TNRC6A: variants seen among roughly 807,000 people sequenced by gnomAD.
The protein encoded by TNRC6A is trinucleotide repeat containing adaptor 6A.
TNRC6A carries 44 observed loss-of-function variants against 221.2 expected under a neutral mutation model. The observed-to-expected ratio is 0.20, with a 90% confidence interval of 0.16 to 0.26. The LOEUF is 0.26. Ranked by LOEUF, TNRC6A falls within the 10% of genes least tolerant of loss-of-function variation. The probability of loss-of-function intolerance (pLI) is 1.00; values close to 1 mark genes in which losing one functional copy is unlikely to be tolerated. For missense variants in TNRC6A, 2,199 were observed against 2,404.4 expected, an observed-to-expected ratio of 0.91 and a Z score of 1.79; for synonymous variants, 847 against 838.5, an observed-to-expected ratio of 1.01 and a Z score of -0.18.
chr16:24,636,370 TG>T (rs940991914), intron 1 of TNRC6A, among the ~76,000 whole-genome samples: 1 of 125,978 alleles, frequency 7.9e-6, no homozygotes, highest in Non-Finnish European at 1.6e-5. Flanking sequence ...TAGGACTTTG[TG>T]ATTTTTTTTT....
chr16:24,823,079 C>A lies in TNRC6A; in HGVS notation c.5513+66C>A. 1 of 1,605,040 alleles carries A rather than the reference C, an allele frequency of 6.2e-7. No individual in the cohort carries two copies. Among genetic ancestry groups the A allele is most frequent in the Non-Finnish European group, 8.5e-7 (1 of 1,174,188 alleles). On this transcript the variant is annotated intron_variant, in intron 24 of 24. Coordinates refer to ENST00000395799, the MANE Select transcript of TNRC6A (RefSeq NM_014494.4). This position sits in a 1 kb window ranked among gnomAD's most constrained non-coding sequence, Gnocchi z 4.3. Reference sequence around the variant, plus strand: ...GAAGGAGTGTGAGAGCACAGCCTGACCCGGGGCAGTGCACAGGGTCCTGCG... The same window carrying A: ...GAAGGAGTGTGAGAGCACAGCCTGAACCGGGGCAGTGCACAGGGTCCTGCG...
intron 2 of TNRC6A, 56 bp from the exon 3 acceptor site, chr16:24,750,670 A>G: frequency 2.8e-6 from 4 of 1,450,738 alleles, no homozygotes; most frequent in Non-Finnish European, 3.6e-6. Context: ...TGTATGCAAC[A>G]TTATTTTTAT....
chr16:24,651,837 T>C (rs1053022224), intron 2 of TNRC6A, among the ~76,000 whole-genome samples: 1 of 151,252 alleles, frequency 6.6e-6, no homozygotes, highest in African/African-American at 2.4e-5. Context: ...ATTTTAAAAA[T>C]TGATGATAGA....
At chr16:24,757,730 A>G (rs2057282899) in intron 3 of TNRC6A, among the ~76,000 whole-genome samples, 1 of 152,238 alleles carries the variant, frequency 6.6e-6, no homozygotes, top group African/African-American at 2.4e-5. Context: ...TTCTGATCAC[A>G]GTAATTTTAA....
chr16:24,612,975 GGTAGTTTACACCT>G (rs1289017315), intron 1 of TNRC6A, among the ~76,000 whole-genome samples: 1 of 151,804 alleles, frequency 6.6e-6, no homozygotes, highest in African/African-American at 2.4e-5. Flanking sequence ...GGCCGGGAGT[GGTAGTTTACACCT>G]GTAGTCCCAG....
chr16:24,760,271 TGTTA>T (rs2057335023), intron 4 of TNRC6A, among the ~76,000 whole-genome samples: 1 of 152,208 alleles, frequency 6.6e-6, no homozygotes, highest in Non-Finnish European at 1.5e-5. Flanking sequence ...TTTCTTAGGA[TGTTA>T]TAATCTCAAA....
chr16:24,664,881 TTTGA>T (rs1267480527), intron 2 of TNRC6A: 2 of 454,534 alleles, frequency 4.4e-6, no homozygotes, highest in African/African-American at 2.0e-5. Context: ...AGAAAACGTG[TTTGA>T]TTGAGGCCAG....
intron 1 of TNRC6A, among the ~76,000 whole-genome samples, chr16:24,627,467 A>C (rs939667905): frequency 6.6e-6 from 1 of 151,916 alleles, no homozygotes; most frequent in East Asian, 1.9e-4. Context: ...AAAATTAATT[A>C]ATTATCTTAA....
Position 24,729,752 on chromosome 16 carries a change from C to A in TNRC6A, c.-90C>A. On this transcript the variant is annotated 5_prime_UTR_variant, in exon 1 of 25. Transcript: ENST00000395799. Reference sequence around the variant, plus strand: ...GGTGTAGAAAATGGCGCTGGTGCAGCGGCTCGGGCCTCTCCCCGCGGCGCT... The same window carrying A: ...GGTGTAGAAAATGGCGCTGGTGCAGAGGCTCGGGCCTCTCCCCGCGGCGCT... 2.3e-6 allele frequency: 3 copies of A among 1,307,200 alleles called. No homozygotes were observed. Among genetic ancestry groups the A allele is most frequent in the Non-Finnish European group, 9.8e-7 (1 of 1,023,266 alleles). The allele number at this position is 1,307,200 out of a possible 1,614,324, so 81.0% of individuals were successfully genotyped here. A position where few individuals can be genotyped will look rare whatever the true frequency, so the allele number is the denominator to read the frequency against.
At chr16:24,634,930 C>A (rs759972538) in intron 1 of TNRC6A, among the ~76,000 whole-genome samples, 3 of 152,070 alleles carry the variant, frequency 2.0e-5, no homozygotes, top group Non-Finnish European at 2.9e-5. Context: ...GAAAAAAAAT[C>A]TTATTCTCCA....
intron 11 of TNRC6A, among the ~76,000 whole-genome samples, chr16:24,799,605 GA>G (rs925018773): frequency 6.6e-6 from 1 of 151,708 alleles, no homozygotes; most frequent in Non-Finnish European, 1.5e-5. Context: ...GTAAAAACAG[GA>G]AAAAAAATGC....
intron 9 of TNRC6A, chr16:24,796,467 A>G (rs17177057): frequency 0.05 from 7,627 of 152,546 alleles, 294 homozygotes; most frequent in Middle Eastern, 0.075. Context: ...CGTTAATTCA[A>G]GCTAGAAAGG....
rs71156440 is a variant in TNRC6A at position 24,812,019 on chromosome 16, A to ATTTTTTTTTTTTTTTTTTTTTTTTTTT, written c.4672+2559_4672+2585dup. Among the ~76,000 whole-genome samples, 3 of 40,854 alleles carry ATTTTTTTTTTTTTTTTTTTTTTTTTTT rather than the reference A, an allele frequency of 7.3e-5. 1 individual carries two copies. Among genetic ancestry groups the ATTTTTTTTTTTTTTTTTTTTTTTTTTT allele is most frequent in the Non-Finnish European group, 1.3e-4 (3 of 23,660 alleles). The allele number at this position is 40,854 out of a possible 152,430, so 26.8% of individuals were successfully genotyped here. A position where few individuals can be genotyped will look rare whatever the true frequency, so the allele number is the denominator to read the frequency against. ...CCGTTCAGGGGAATGTCACTTTGGG[A>ATTTTTTTTTTTTTTTTTTTTTTTTTTT]TTTTTTTTTTTTTTTTTTTTTTTTT... is the stretch of plus-strand genomic sequence containing the variant. On this transcript the variant is annotated intron_variant, in intron 18 of 24. Transcript: ENST00000395799.
chr16:24,793,550 A>G lies in TNRC6A; in HGVS notation c.3253A>G (p.Ile1085Val), dbSNP rs145932356. Reference protein sequence around the residue: ...DNGTSAWGKPIDSGPSWGEPI... With the variant: ...DNGTSAWGKPVDSGPSWGEPI... ...TGGTACTTCAGCATGGGGTAAGCCC[A>G]TAGACAGTGGTCCCAGCTGGGGGGA... Residue 1085 changes from isoleucine (I) to valine (V), a missense_variant, in exon 7 of 25, where the codon ATA becomes GTA. Physicochemically the swap from Ile to Val is conservative, Grantham distance 29. Around this residue, in one of 8 missense-constraint regions of TNRC6A, gnomAD observed 1,405 missense variants for 1,400.2 expected, o/e 1.00. Coordinates refer to ENST00000395799, the MANE Select transcript of TNRC6A (RefSeq NM_014494.4). 3.9e-4 allele frequency: 619 copies of G among 1,574,370 alleles called. 1 individual carries two copies. Among genetic ancestry groups the G allele is most frequent in the Non-Finnish European group, 4.0e-4 (467 of 1,159,544 alleles).
In TNRC6A at chr16:24,816,923, C is replaced by A; in HGVS notation, c.4939C>A (p.Arg1647=). 6.2e-7 allele frequency: 1 copy of A among 1,613,888 alleles called. No homozygotes were observed. The highest frequency in any genetic ancestry group is 8.5e-7 in the Non-Finnish European group (1 of 1,179,964). Residue 1647 remains arginine, a synonymous_variant, in exon 20 of 25, where the codon CGG becomes AGG. Coordinates refer to ENST00000395799, the MANE Select transcript of TNRC6A (RefSeq NM_014494.4). The stretch of plus-strand genomic sequence containing the variant: ...AAACAATCTTTCAATTAATACTGTG[C>A]GGGAAGTTGACCACCTCAGGGACAG... ...VINNLSINTV[R]EVDHLRDRNS...
intron 1 of TNRC6A, among the ~76,000 whole-genome samples, chr16:24,621,964 T>G (rs1900697203): frequency 6.6e-6 from 1 of 152,182 alleles, no homozygotes; most frequent in Non-Finnish European, 1.5e-5. Flanking sequence ...AAATTGGATT[T>G]TTATTGAACA....
intron 2 of TNRC6A, among the ~76,000 whole-genome samples, chr16:24,689,777 G>T (rs1025479363): frequency 6.6e-6 from 1 of 151,758 alleles, no homozygotes; most frequent in Non-Finnish European, 1.5e-5. Context: ...TTTGAGACAG[G>T]GTCTCACTTG....
chr16:24,756,692 C>T (rs2057259374), intron 3 of TNRC6A, among the ~76,000 whole-genome samples: 1 of 152,102 alleles, frequency 6.6e-6, no homozygotes, highest in South Asian at 2.1e-4. Context: ...GGGGTTTCGC[C>T]ATATTGGCCA....
intron 2 of TNRC6A, chr16:24,664,750 C>T (rs2055116256): frequency 9.2e-6 from 3 of 326,482 alleles, no homozygotes; most frequent in Admixed American, 6.0e-5. Flanking sequence ...GTATAGGGTG[C>T]CTTGCAGTAA....
Sources: allele counts gnomAD v4.1 joint callset (sites outside exome capture counted in the v4.1 genomes callset), GRCh38; gene constraint gnomAD v4.1.1; regional missense constraint gnomAD v4.1.1; non-coding constraint Gnocchi (gnomAD v3.1); transcripts MANE v1.5; gene names NCBI Gene and HGNC (gene_info 2026-07-23, HGNC 2026-07-21).